The following UBE2D1 variants were observed in gnomAD, a reference collection of about 807,000 sequenced individuals.
UBE2D1 encodes the protein ubiquitin-conjugating enzyme E2 D1.
A neutral mutation model predicts 24.6 loss-of-function variants in UBE2D1; 9 were observed. The ratio of observed to expected loss-of-function variants is 0.37; its 90% CI spans 0.22 to 0.64. The LOEUF (loss-of-function observed/expected upper bound fraction) is 0.64. UBE2D1 is among the 30% of genes least tolerant of loss of function. The pLI is 0.64. For missense variants in UBE2D1, 87 were observed against 177.1 expected, an observed-to-expected ratio of 0.49 and a Z score of 2.89; for synonymous variants, 57 against 57.6, an observed-to-expected ratio of 0.99 and a Z score of 0.04.
At chr10:58,364,663 A>C in intron 4 of UBE2D1, 108 bp from the exon 5 acceptor site, 2 of 712,746 alleles carry the variant, frequency 2.8e-6, no homozygotes. Flanking sequence ...TTCTCCTCTA[A>C]AGTTATGTAA....
chr10:58,366,982 T>A (rs1840262665), intron 5 of UBE2D1, among the ~76,000 whole-genome samples: 1 of 152,098 alleles, frequency 6.6e-6, no homozygotes. Context: ...GCCCTGTTGG[T>A]TTAATATACA....
At chr10:58,351,863 A>G (rs1363943071) in intron 1 of UBE2D1, among the ~76,000 whole-genome samples, 3 of 152,180 alleles carry the variant, frequency 2.0e-5, no homozygotes, top group Non-Finnish European at 4.4e-5. Context: ...CGATGTTAGG[A>G]TGGCTACAAG....
chr10:58,347,511 A>T (rs1179193038), intron 1 of UBE2D1, among the ~76,000 whole-genome samples: 2 of 152,194 alleles, frequency 1.3e-5, no homozygotes, highest in African/African-American at 2.4e-5. Context: ...TAGAGGCAAG[A>T]TAGCATTTTG....
chr10:58,363,505 CATG>C (rs1840222910), intron 3 of UBE2D1, 101 bp from the exon 4 acceptor site: 5 of 722,948 alleles, frequency 6.9e-6, no homozygotes, highest in Non-Finnish European at 1.1e-5. Context: ...TTATTTTAAA[CATG>C]ATGGCATTTT....
At position 58,368,833 on chromosome 10, in the gene UBE2D1, A is replaced by G. The variant is rs916929934; in HGVS notation, c.*68A>G. Reference sequence around the variant, plus strand: ...TAGGTTTTTTTCAACATTAGCAGTAAATTGAGCACTGTTTACTGTTTCATT... The same window carrying G: ...TAGGTTTTTTTCAACATTAGCAGTAGATTGAGCACTGTTTACTGTTTCATT... On this transcript the variant is annotated 3_prime_UTR_variant, in exon 7 of 7. Transcript: ENST00000373910. The G allele has an allele frequency of 3.8e-6, 4 of 1,065,068 alleles. No homozygotes were observed. In the African/African-American group the frequency reaches 6.5e-5, roughly 17 times the overall value. The allele number at this position is 1,065,068 out of a possible 1,614,324, so 66.0% of individuals were successfully genotyped here.
intron 6 of UBE2D1, 58 bp from the exon 7 acceptor site, chr10:58,368,662 A>G (rs907524646): frequency 4.8e-6 from 6 of 1,254,986 alleles, no homozygotes; most frequent in Non-Finnish European, 6.6e-6. Context: ...TATTAGACAG[A>G]TGCTTCTGAA....
At chr10:58,364,624 G>C in intron 4 of UBE2D1, 147 bp from the exon 5 acceptor site, 1 of 608,594 alleles carries the variant, frequency 1.6e-6, no homozygotes, top group Non-Finnish European at 2.9e-6. Context: ...GCACAAAGTA[G>C]ATAATTATTT....
At chr10:58,359,292 G>A (rs1165236034) in intron 1 of UBE2D1, among the ~76,000 whole-genome samples, 2 of 152,086 alleles carry the variant, frequency 1.3e-5, no homozygotes, top group African/African-American at 4.8e-5. Flanking sequence ...ACAATTGATG[G>A]TGTTTTAAAA....
intron 1 of UBE2D1, among the ~76,000 whole-genome samples, chr10:58,343,531 A>G (rs1839984867): frequency 6.6e-6 from 1 of 152,222 alleles, no homozygotes; most frequent in East Asian, 1.9e-4. Flanking sequence ...ACAACCATAC[A>G]TATACATGTA....
At position 58,369,458 on chromosome 10, in the gene UBE2D1, C is replaced by T. The variant is rs1447372306; in HGVS notation, c.*693C>T. On this transcript the variant is annotated 3_prime_UTR_variant, in exon 7 of 7. Transcript: ENST00000373910. ...TTTATTGCAATGTGAATTAATTGCACTGCTAAGTAGGAAGATGTGTAACTT... is the reference window on the plus strand; with the variant it reads ...TTTATTGCAATGTGAATTAATTGCATTGCTAAGTAGGAAGATGTGTAACTT... The T allele has an allele frequency of 1.3e-5, 2 of 152,492 alleles. No individual in the cohort carries two copies. The highest frequency in any genetic ancestry group is 4.8e-5 in the African/African-American group (2 of 41,430). 9.4% of individuals were successfully genotyped at this position (152,492 alleles called of 1,614,324 possible).
At chr10:58,357,912 G>C (rs1036538670) in intron 1 of UBE2D1, among the ~76,000 whole-genome samples, 3 of 152,122 alleles carry the variant, frequency 2.0e-5, no homozygotes, top group Non-Finnish European at 1.5e-5. Context: ...TAAAGTGACA[G>C]CTTAAGAACT....
At chr10:58,341,509 TA>T (rs778241377) in intron 1 of UBE2D1, among the ~76,000 whole-genome samples, 5 of 152,128 alleles carry the variant, frequency 3.3e-5, no homozygotes, top group South Asian at 2.1e-4. Flanking sequence ...AATAGAGGTA[TA>T]AAAAAATGAG....
intron 1 of UBE2D1, among the ~76,000 whole-genome samples, chr10:58,354,548 AT>A (rs1193223624): frequency 1.3e-5 from 2 of 152,134 alleles, no homozygotes; most frequent in South Asian, 4.2e-4. Flanking sequence ...CATATGAGAG[AT>A]TAGAACAATT....
intron 1 of UBE2D1, among the ~76,000 whole-genome samples, chr10:58,353,356 C>T (rs1840097829): frequency 2.0e-5 from 3 of 152,132 alleles, no homozygotes; most frequent in Admixed American, 2.0e-4. Context: ...AATCTCTGTC[C>T]ACGCCACAGA....
chr10:58,359,013 T>TAAAA (rs35713196), intron 1 of UBE2D1, among the ~76,000 whole-genome samples: 8 of 115,152 alleles, frequency 6.9e-5, no homozygotes, highest in South Asian at 3.0e-4. Context: ...ACCAGCTATT[T>TAAAA]AAAAAAAAAA....
In UBE2D1 at chr10:58,364,978, G is replaced by GCTTT. The variant is rs1218355000; in HGVS notation, c.304+105_304+108dup. On this transcript the variant is annotated intron_variant, in intron 5 of 6. Transcript: ENST00000373910. ...AAGTTTTAAAACAACAATCAACTGTGCTTTCTCCTGTTTTGATTTTGTTTT... is the reference window on the plus strand; with the variant it reads ...AAGTTTTAAAACAACAATCAACTGTGCTTTCTTTCTCCTGTTTTGATTTTGTTTT... The GCTTT allele has an allele frequency of 3.4e-6, 3 of 885,844 alleles. No individual in the cohort carries two copies. The Admixed American group carries it at 7.7e-5, about 23-fold the overall frequency. The allele number at this position is 885,844 out of a possible 1,614,324, so 54.9% of individuals were successfully genotyped here. A position where few individuals can be genotyped will look rare whatever the true frequency, so the allele number is the denominator to read the frequency against.
intron 1 of UBE2D1, among the ~76,000 whole-genome samples, chr10:58,341,605 T>C (rs1839962328): frequency 6.6e-6 from 1 of 152,216 alleles, no homozygotes; most frequent in African/African-American, 2.4e-5. Flanking sequence ...TTTATGCCTA[T>C]TTTAAGAAGC....
chr10:58,365,384 A>G (rs1048990381), intron 5 of UBE2D1, among the ~76,000 whole-genome samples: 8 of 152,244 alleles, frequency 5.3e-5, no homozygotes, highest in Admixed American at 1.3e-4. Context: ...AATGTTGACA[A>G]TAATAAAGCT....
In UBE2D1 at chr10:58,364,888, G is replaced by A. The variant is rs766450605; in HGVS notation, c.304+12G>A. The A allele has an allele frequency of 2.5e-6, 4 of 1,599,390 alleles. No homozygotes were observed. The highest frequency in any genetic ancestry group is 3.4e-6 in the Non-Finnish European group (4 of 1,167,842). On this transcript the variant is annotated intron_variant, in intron 5 of 6. Transcript: ENST00000373910. ...GACTGTATCAAAAGGTAATTTCATT[G>A]ATCAGGTTTGAAACAGTTGATAACA...
Sources: gnomAD v4.1 joint callset for allele counts (sites outside exome capture counted in the v4.1 genomes callset) on GRCh38, gnomAD v4.1.1 for gene constraint, MANE v1.5 for transcripts, NCBI Gene and HGNC (gene_info 2026-07-23, HGNC 2026-07-21) for gene names.